The following HPSE variants were observed in gnomAD, a reference collection of about 807,000 sequenced individuals.
HPSE encodes the protein heparanase, also known as endo-glucoronidase.
Under a neutral mutation model 65.1 loss-of-function variants are expected in HPSE, and 48 were observed. The ratio of observed to expected loss-of-function variants is 0.74; its 90% CI spans 0.58 to 0.94. HPSE has a LOEUF of 0.94. HPSE is among the 40% of genes least tolerant of loss of function. HPSE has a pLI of 0.00. For missense variants in HPSE, 644 were observed against 637.5 expected (o/e 1.01, Z -0.11); for synonymous variants, 243 against 260.0 (o/e 0.93, Z 0.63).
intron 4 of HPSE, 92 bp downstream of exon 4, chr4:83,313,022 A>AC (rs1288919328): frequency 1.6e-5 from 3 of 186,150 alleles, no homozygotes; most frequent in Non-Finnish European, 2.7e-5. Flanking sequence ...ACTCTGTCTC[A>AC]AAAAAAAAAA....
At chr4:83,329,886 G>C (rs1393959096) in intron 1 of HPSE, among the ~76,000 whole-genome samples, 2 of 152,130 alleles carry the variant, frequency 1.3e-5, no homozygotes, top group Non-Finnish European at 2.9e-5. Context: ...GGGGGACAGA[G>C]TGCCGTAAGC....
At position 83,303,918 on chromosome 4, in the gene HPSE, C is replaced by T. The variant is rs147889720; in HGVS notation, c.1207-1650G>A. Among the ~76,000 whole-genome samples the T allele has an allele frequency of 1.9e-4, 29 of 152,226 alleles. 1 individual carries two copies. The East Asian group carries it at 4.2e-3, about 22-fold the overall frequency. ...AGGAGGTGAAAAGTGGGAAGGATTA[C>T]GGATTAAACAAGATCAAAGTATGCA... On this transcript the variant is annotated intron_variant, in intron 9 of 11. Coordinates refer to ENST00000311412, the MANE Select transcript of HPSE (RefSeq NM_001098540.3).
chr4:83,319,243 T>G, intron 3 of HPSE, 101 bp downstream of exon 3: 1 of 1,190,800 alleles, frequency 8.4e-7, no homozygotes, highest in Non-Finnish European at 1.2e-6. Flanking sequence ...TATTTTCAGC[T>G]TTATACAACT....
At position 83,306,289 on chromosome 4, in the gene HPSE, G is replaced by A. The variant is rs772935954; in HGVS notation, c.1120C>T (p.Arg374Ter). ...MWLDKLGLSA[R>*]MGIEVVMRQV... ...CTCATCACCACTTCTATTCCCATTC[G>A]GGCTGACAGGCCCAATTTATCCAGC... Residue 374 changes from arginine (R) to a stop codon, truncating the protein, a stop_gained, in exon 9 of 12, where the codon CGA becomes TGA. Transcript: ENST00000311412. LOFTEE classifies it high-confidence loss of function. 40 of 1,612,970 alleles carry A rather than the reference G, an allele frequency of 2.5e-5. No individual in the cohort carries two copies. The highest frequency in any genetic ancestry group is 3.0e-5 in the Non-Finnish European group (35 of 1,179,164).
In HPSE at chr4:83,334,581, C is replaced by T; in HGVS notation, c.202G>A (p.Asp68Asn). ...CCCAGGAGGATGAGGAACCGCGGGT[C>T]CGTGGCCAGGTTGGCGTCAATGGTG... ...SVTIDANLAT[D>N]PRFLILLGSP... The change falls in exon 1 of 12, where the codon GAC becomes AAC. Residue 68 changes from aspartate (D) to asparagine (N), a missense_variant. Physicochemically the swap from Asp to Asn is conservative, Grantham distance 23. Coordinates refer to ENST00000311412, the MANE Select transcript of HPSE (RefSeq NM_001098540.3). 6.3e-7 allele frequency: 1 copy of T among 1,588,904 alleles called. No homozygotes were observed. Among genetic ancestry groups the T allele is most frequent in the Non-Finnish European group, 8.6e-7 (1 of 1,167,732 alleles).
chr4:83,296,196 AT>A (rs1243718094), intron 11 of HPSE, among the ~76,000 whole-genome samples: 1 of 152,232 alleles, frequency 6.6e-6, no homozygotes, highest in African/African-American at 2.4e-5. Flanking sequence ...CATACTTATT[AT>A]TTAAATCAAA....
At chr4:83,309,863 AT>A (rs903172486) in intron 6 of HPSE, among the ~76,000 whole-genome samples, 167 bp downstream of exon 6, 5 of 152,088 alleles carry the variant, frequency 3.3e-5, no homozygotes, top group Admixed American at 1.3e-4. Context: ...ATAACTTTAA[AT>A]TTTTTTTATT....
At chr4:83,311,240 G>A (rs1187437837) in intron 4 of HPSE, among the ~76,000 whole-genome samples, 1 of 152,104 alleles carries the variant, frequency 6.6e-6, no homozygotes, top group Non-Finnish European at 1.5e-5. Flanking sequence ...AGAAGGTCGA[G>A]GCCATAGTGA....
chr4:83,300,179 G>A (rs2126182879), intron 11 of HPSE, among the ~76,000 whole-genome samples: 1 of 152,256 alleles, frequency 6.6e-6, no homozygotes, highest in East Asian at 1.9e-4. Context: ...ATTGGTTTTT[G>A]AAACCAAAGT....
intron 8 of HPSE, among the ~76,000 whole-genome samples, chr4:83,307,555 C>T (rs1736189053): frequency 6.6e-6 from 1 of 152,128 alleles, no homozygotes; most frequent in African/African-American, 2.4e-5. Context: ...CCTATGAGGT[C>T]CCTGCACAAA....
At chr4:83,335,092 C>G (rs972293577), upstream of HPSE, 49 of 314,542 alleles carry the variant, frequency 1.6e-4, 1 homozygote, top group Non-Finnish European at 2.7e-4. Context: ...TGGCCGGGAT[C>G]CAAGCGCCCG....
chr4:83,331,841 C>T (rs1420332994), intron 1 of HPSE, among the ~76,000 whole-genome samples: 1 of 152,168 alleles, frequency 6.6e-6, no homozygotes, highest in South Asian at 2.1e-4. Context: ...TCTACCATAT[C>T]CTACTCTCTT....
At chr4:83,320,140 T>C (rs1202510920) in intron 2 of HPSE, among the ~76,000 whole-genome samples, 1 of 151,924 alleles carries the variant, frequency 6.6e-6, no homozygotes, top group African/African-American at 2.4e-5. Context: ...TTGTTTTACA[T>C]GGACTGTATC....
chr4:83,310,112 TAATAC>T, intron 5 of HPSE, 34 bp from the exon 6 acceptor site: 5 of 1,404,676 alleles, frequency 3.6e-6, no homozygotes, highest in East Asian at 2.3e-5. Flanking sequence ...CTCAGTCATA[TAATAC>T]ATATATATGC....
chr4:83,312,665 G>A (rs1212810032), intron 4 of HPSE, among the ~76,000 whole-genome samples: 5 of 114,150 alleles, frequency 4.4e-5, no homozygotes, highest in Admixed American at 1.9e-4. Flanking sequence ...GCGACAGAGC[G>A]AGACTCCGTC....
intron 4 of HPSE, among the ~76,000 whole-genome samples, chr4:83,311,261 C>T (rs1474370228): frequency 6.6e-6 from 1 of 152,212 alleles, no homozygotes; most frequent in African/African-American, 2.4e-5. Flanking sequence ...GCCATGATCA[C>T]GCAACCGCAC....
intron 1 of HPSE, among the ~76,000 whole-genome samples, chr4:83,322,881 G>T (rs1258774812): frequency 1.3e-5 from 2 of 149,598 alleles, no homozygotes; most frequent in African/African-American, 4.9e-5. Flanking sequence ...GCCCAGGCTG[G>T]TCTCAAACTT....
chr4:83,322,440 T>C, intron 1 of HPSE, 76 bp from the exon 2 acceptor site: 2 of 1,224,408 alleles, frequency 1.6e-6, no homozygotes, highest in Non-Finnish European at 2.3e-6. Context: ...CTTCCTTCTT[T>C]CCTGGTGGAC....
chr4:83,316,358 A>AAC (rs1169970742), intron 3 of HPSE, among the ~76,000 whole-genome samples: 8 of 151,272 alleles, frequency 5.3e-5, no homozygotes, highest in South Asian at 2.1e-4. Flanking sequence ...AACAAAAAAA[A>AAC]CAGAAGGACC....
Sources: allele counts gnomAD v4.1 joint callset (sites outside exome capture counted in the v4.1 genomes callset), GRCh38; gene constraint gnomAD v4.1.1; transcripts MANE v1.5; gene names NCBI Gene and HGNC (gene_info 2026-07-23, HGNC 2026-07-21).